The following TRRAP variants were observed in gnomAD, a reference collection of about 807,000 sequenced individuals.
TRRAP encodes the protein transformation/transcription domain-associated protein.
Under a neutral mutation model 438.8 loss-of-function variants are expected in TRRAP, and 41 were observed. That is an observed-to-expected ratio of 0.09 (90% CI 0.07 to 0.12). The LOEUF (loss-of-function observed/expected upper bound fraction) is 0.12. Ranked by LOEUF, TRRAP falls within the 10% of genes least tolerant of loss-of-function variation. TRRAP has a pLI of 1.00. For synonymous variants in TRRAP, 1,994 were observed against 1,962.9 expected (o/e 1.02, Z -0.42); for missense variants, 3,122 against 5,055.1 (o/e 0.62, Z 11.60).
At chr7:98,879,889 G>A (rs1554402745) in intron 1 of TRRAP, among the ~76,000 whole-genome samples, 1 of 152,184 alleles carries the variant, frequency 6.6e-6, no homozygotes, top group East Asian at 1.9e-4. Context: ...GGAGGTCCTG[G>A]TGTGTCTGTT....
At chr7:98,967,743 T>C in intron 51 of TRRAP, 45 bp downstream of exon 51, 1 of 1,579,474 alleles carries the variant, frequency 6.3e-7, no homozygotes, top group Non-Finnish European at 8.6e-7. Context: ...CAGCTGTGGG[T>C]TTTCTGAGTT....
chr7:98,921,756 C>T lies in TRRAP; in HGVS notation c.2626C>T (p.Leu876=), dbSNP rs782197231. ...ATGAAAGCACGCTGATTTTCAGGCTCTGTGGCGCACCTTACGCAACCCTGC... is the reference window on the plus strand; with the variant it reads ...ATGAAAGCACGCTGATTTTCAGGCTTTGTGGCGCACCTTACGCAACCCTGC... The part of the protein sequence containing the change: ...QPVRAELMQA[L]WRTLRNPADS... Residue 876 remains leucine (L), a synonymous_variant, in exon 21 of 73, where the codon CTG becomes TTG. Transcript: ENST00000456197. 3.7e-5 allele frequency: 59 copies of T among 1,614,006 alleles called. No individual in the cohort carries two copies. Among genetic ancestry groups the T allele is most frequent in the South Asian group, 1.1e-4 (10 of 91,072 alleles).
At chr7:98,911,425 G>T (rs1554408713) in intron 17 of TRRAP, among the ~76,000 whole-genome samples, 154 bp downstream of exon 17, 1 of 152,110 alleles carries the variant, frequency 6.6e-6, no homozygotes, top group Non-Finnish European at 1.5e-5. Flanking sequence ...ATAATGTCTT[G>T]AAACAATTCT....
At position 98,949,753 on chromosome 7, in the gene TRRAP, T is replaced by C; in HGVS notation, c.5047T>C (p.Phe1683Leu). The C allele has an allele frequency of 1.2e-6, 2 of 1,613,904 alleles. No homozygotes were observed. Among genetic ancestry groups the C allele is most frequent in the Non-Finnish European group, 1.7e-6 (2 of 1,180,028 alleles). Residue 1683 changes from phenylalanine to leucine, a missense_variant, in exon 37 of 73, where the codon TTC becomes CTC. Phe to Leu is a conservative substitution (Grantham distance 22). This residue lies in a region of TRRAP where 272 missense variants were observed against 348.5 expected (regional missense o/e 0.78). Transcript: ENST00000456197. ...GCGACGTGTGTGGGTGAGTGAGAAC[T>C]TCCAAGAGAGGCACCGCAAGGAGAA... ...QLRRVWVSENFQERHRKENMA... is the reference protein window; with the variant it reads ...QLRRVWVSENLQERHRKENMA...
chr7:98,882,495 T>TG (rs1795497746), intron 3 of TRRAP, among the ~76,000 whole-genome samples: 1 of 151,766 alleles, frequency 6.6e-6, no homozygotes, highest in African/African-American at 2.4e-5. Flanking sequence ...TCAGGGTAGC[T>TG]GAGACTATAG....
At chr7:98,979,011 GAC>G in intron 58 of TRRAP, 107 bp downstream of exon 58, 1 of 1,437,138 alleles carries the variant, frequency 7.0e-7, no homozygotes, top group South Asian at 1.2e-5. Flanking sequence ...GCAGTGGAAA[GAC>G]AGCTTTTGGG....
At chr7:98,892,312 A>G (rs1584273767) in intron 4 of TRRAP, 112 bp from the exon 5 acceptor site, 7 of 867,642 alleles carry the variant, frequency 8.1e-6, no homozygotes, top group Non-Finnish European at 1.3e-5. Flanking sequence ...ATGGTGGTTC[A>G]TTCCTAGTGC....
chr7:98,942,316 C>T (rs2237597), intron 30 of TRRAP, among the ~76,000 whole-genome samples: 2 of 152,044 alleles, frequency 1.3e-5, no homozygotes, highest in African/African-American at 4.8e-5. Context: ...CTAGGGTCCC[C>T]ATTGTGCCCA....
At chr7:98,929,609 TA>T (rs1417873746) in intron 23 of TRRAP, among the ~76,000 whole-genome samples, 3 of 151,968 alleles carry the variant, frequency 2.0e-5, no homozygotes, top group Non-Finnish European at 2.9e-5. Flanking sequence ...TTTTTTAATT[TA>T]TTTTTTTTTT....
intron 30 of TRRAP, among the ~76,000 whole-genome samples, chr7:98,941,772 C>T (rs1202635778): frequency 6.6e-6 from 1 of 152,182 alleles, no homozygotes. Flanking sequence ...TTCCCTGGAA[C>T]ACTGACTCCG....
chr7:98,972,323 G>T (rs1014664221), intron 53 of TRRAP, among the ~76,000 whole-genome samples: 1 of 152,172 alleles, frequency 6.6e-6, no homozygotes, highest in Non-Finnish European at 1.5e-5. Context: ...GATTATAGGC[G>T]TGAAGCAGAG....
chr7:98,929,517 A>C (rs936226933), intron 23 of TRRAP, among the ~76,000 whole-genome samples: 26 of 152,248 alleles, frequency 1.7e-4, no homozygotes, highest in African/African-American at 6.3e-4. Flanking sequence ...AAGGCATATC[A>C]GACCACTTAA....
At chr7:98,987,868 G>T (rs1483565081) in intron 62 of TRRAP, among the ~76,000 whole-genome samples, 1 of 152,056 alleles carries the variant, frequency 6.6e-6, no homozygotes, top group Non-Finnish European at 1.5e-5. Flanking sequence ...AATTTGCTGG[G>T]TATTTTTATC....
chr7:98,951,084 TG>T (rs1791316133), intron 39 of TRRAP, 80 bp downstream of exon 39: 1 of 1,321,168 alleles, frequency 7.6e-7, no homozygotes, highest in Admixed American at 2.9e-5. Flanking sequence ...TGTGTGTGTG[TG>T]TGTGTGTGTT....
At chr7:98,894,783 G>GTTTTTT (rs56407045) in intron 6 of TRRAP, among the ~76,000 whole-genome samples, 77 of 87,414 alleles carry the variant, frequency 8.8e-4, no homozygotes, top group Non-Finnish European at 1.2e-3. Flanking sequence ...CCAGCTAATG[G>GTTTTTT]TTTTTTTTTT....
chr7:98,927,341 G>A lies in TRRAP; in HGVS notation c.3150G>A (p.Thr1050=), dbSNP rs372579643. ...PFVASLIRHY[T]MVAVAQQCGP... ...TCGCCAGCTTGATCCGCCACTATAC[G>A]ATGGTGGCAGTCGCCCAGCAGTGTG... is the stretch of plus-strand genomic sequence containing the variant. Residue 1050 remains threonine, a synonymous_variant, in exon 23 of 73, where the codon ACG becomes ACA. Coordinates refer to ENST00000456197, the MANE Select transcript of TRRAP (RefSeq NM_001375524.1). 54 of 1,614,082 alleles carry A rather than the reference G, an allele frequency of 3.3e-5. 1 individual carries two copies. Among genetic ancestry groups the A allele is most frequent in the Non-Finnish European group, 4.3e-5 (51 of 1,180,054 alleles).
rs1354159752 is a variant in TRRAP at position 98,929,880 on chromosome 7, C to T, written c.3176-109C>T. 29 of 1,186,912 alleles carry T rather than the reference C, an allele frequency of 2.4e-5. No homozygotes were observed. In the Middle Eastern group the frequency reaches 8.7e-4, roughly 36 times the overall value. 73.5% of individuals were successfully genotyped at this position (1,186,912 alleles called of 1,614,324 possible). ...GAGTGCTGGGATTACGGGTGTGAGC[C>T]GCCGTGCCCTGCTTTTTATGGAGTT... On this transcript the variant is annotated intron_variant, in intron 23 of 72. Coordinates refer to ENST00000456197, the MANE Select transcript of TRRAP (RefSeq NM_001375524.1).
chr7:98,937,150 C>T lies in TRRAP; in HGVS notation c.4112-6C>T, dbSNP rs782287199. On this transcript the variant is annotated splice_region_variant and splice_polypyrimidine_tract_variant and intron_variant, in intron 28 of 72. Coordinates refer to ENST00000456197, the MANE Select transcript of TRRAP (RefSeq NM_001375524.1). ...AATGGAATTGTCTTGATTTCTCTCC[C>T]TGAAGATGCACTTGCTGCCTGCAAT... 1.2e-5 allele frequency: 19 copies of T among 1,601,732 alleles called. No homozygotes were observed. The African/African-American group carries it at 2.4e-4, about 20-fold the overall frequency.
At chr7:98,943,055 G>A (rs781916299) in intron 31 of TRRAP, 38 bp downstream of exon 31, 14 of 1,610,136 alleles carry the variant, frequency 8.7e-6, no homozygotes, top group Admixed American at 5.0e-5. Flanking sequence ...GGCACCAGCC[G>A]CCATGCTGGG....
Sources: allele counts gnomAD v4.1 joint callset (sites outside exome capture counted in the v4.1 genomes callset), GRCh38; gene constraint gnomAD v4.1.1; regional missense constraint gnomAD v4.1.1; transcripts MANE v1.5; gene names NCBI Gene and HGNC (gene_info 2026-07-23, HGNC 2026-07-21).